The following PIGU variants were observed in gnomAD, a reference collection of about 807,000 sequenced individuals.
PIGU encodes the protein phosphatidylinositol glycan anchor biosynthesis class U, also known as GPI-anchor transamidase component PIGU.
PIGU carries 24 observed loss-of-function variants against 49.9 expected under a neutral mutation model. The ratio of observed to expected loss-of-function variants is 0.48; its 90% CI spans 0.35 to 0.68. The LOEUF (loss-of-function observed/expected upper bound fraction) is 0.68. Ranked by LOEUF, PIGU falls within the 30% of genes least tolerant of loss-of-function variation. The pLI, the probability that PIGU is intolerant of heterozygous loss-of-function variation, is 0.01. For missense variants in PIGU, 490 were observed against 532.6 expected, an observed-to-expected ratio of 0.92 and a Z score of 0.79; for synonymous variants, 220 against 205.7, an observed-to-expected ratio of 1.07 and a Z score of -0.59.
intron 1 of PIGU, among the ~76,000 whole-genome samples, chr20:34,673,301 A>AGT (rs1987374167): frequency 6.6e-6 from 1 of 151,742 alleles, no homozygotes; most frequent in Non-Finnish European, 1.5e-5. Flanking sequence ...AACCAGAAGG[A>AGT]GTCCTACTTT....
intron 11 of PIGU, among the ~76,000 whole-genome samples, chr20:34,574,017 A>G (rs1352441098): frequency 6.6e-6 from 1 of 152,260 alleles, no homozygotes; most frequent in African/African-American, 2.4e-5. Flanking sequence ...GGGATTATTC[A>G]CTGGCATCAT....
chr20:34,676,371 C>T (rs2146804730), intron 1 of PIGU, among the ~76,000 whole-genome samples: 1 of 152,320 alleles, frequency 6.6e-6, no homozygotes, highest in South Asian at 2.1e-4. Context: ...GCAGCTACTT[C>T]AGGCCAACTT....
chr20:34,622,474 G>A (rs1384223413), intron 6 of PIGU, among the ~76,000 whole-genome samples: 4 of 151,846 alleles, frequency 2.6e-5, no homozygotes, highest in Admixed American at 1.3e-4. Flanking sequence ...CCGAGATCAC[G>A]CCACTGCACT....
At chr20:34,654,790 AG>A (rs1986655877) in intron 2 of PIGU, among the ~76,000 whole-genome samples, 1 of 118,644 alleles carries the variant, frequency 8.4e-6, no homozygotes, top group African/African-American at 3.1e-5. Flanking sequence ...GCGGATCACA[AG>A]GTCAGGAGTT....
intron 11 of PIGU, among the ~76,000 whole-genome samples, chr20:34,564,054 A>G (rs914596434): frequency 6.6e-6 from 1 of 152,238 alleles, no homozygotes; most frequent in African/African-American, 2.4e-5. Flanking sequence ...TGTCAAGGTC[A>G]TGAGAAGTCA....
intron 11 of PIGU, among the ~76,000 whole-genome samples, chr20:34,565,708 G>GACACAC (rs138862528): frequency 0.016 from 2,379 of 147,068 alleles, 48 homozygotes; most frequent in African/African-American, 0.047. Context: ...CACCTCTCTG[G>GACACAC]ACACACACAC....
chr20:34,596,187 A>G (rs1455621186), intron 7 of PIGU, among the ~76,000 whole-genome samples: 2 of 152,206 alleles, frequency 1.3e-5, no homozygotes, highest in Non-Finnish European at 2.9e-5. Flanking sequence ...TTTTTGCCAA[A>G]AACATGTAAA....
chr20:34,630,508 G>A (rs1358983274), intron 6 of PIGU, among the ~76,000 whole-genome samples: 1 of 152,118 alleles, frequency 6.6e-6, no homozygotes, highest in African/African-American at 2.4e-5. Flanking sequence ...ACCTGCAGAT[G>A]ATGACATTTG....
chr20:34,675,272 G>C (rs6141500), intron 1 of PIGU, among the ~76,000 whole-genome samples: 2 of 96,222 alleles, frequency 2.1e-5, no homozygotes, highest in African/African-American at 8.3e-5. Flanking sequence ...AAAAAAAAGA[G>C]AGAGAGAGAA....
chr20:34,639,644 T>TA (rs1287911207), intron 4 of PIGU, among the ~76,000 whole-genome samples: 15 of 151,580 alleles, frequency 9.9e-5, no homozygotes, highest in African/African-American at 2.2e-4. Context: ...CTTTCAAAAT[T>TA]AAAAAAAAAT....
At chr20:34,670,383 T>C (rs778984970) in intron 1 of PIGU, among the ~76,000 whole-genome samples, 11 of 151,364 alleles carry the variant, frequency 7.3e-5, no homozygotes, top group Non-Finnish European at 1.5e-4. Context: ...AGAGACAAGG[T>C]TTCACCATGT....
intron 4 of PIGU, among the ~76,000 whole-genome samples, chr20:34,639,297 A>G (rs1326536631): frequency 1.3e-5 from 2 of 152,152 alleles, no homozygotes; most frequent in Non-Finnish European, 2.9e-5. Flanking sequence ...GCTACTCGGG[A>G]GGCTGAGGCA....
At chr20:34,626,379 T>C in intron 6 of PIGU, among the ~76,000 whole-genome samples, 3 of 151,260 alleles carry the variant, frequency 2.0e-5, no homozygotes, top group Non-Finnish European at 4.4e-5. Flanking sequence ...CTCGGCTCAC[T>C]GCAACCTCCA....
intron 7 of PIGU, among the ~76,000 whole-genome samples, chr20:34,597,429 T>C (rs1434524590): frequency 1.3e-5 from 2 of 152,236 alleles, no homozygotes; most frequent in African/African-American, 2.4e-5. Context: ...AACTAATCTA[T>C]GGTTAAAACA....
chr20:34,629,426 G>C lies in PIGU; in HGVS notation c.529+5189C>G, dbSNP rs377246679. Among the ~76,000 whole-genome samples the C allele has an allele frequency of 6.6e-5, 10 of 152,298 alleles. No individual in the cohort carries two copies. In the East Asian group the frequency reaches 1.5e-3, roughly 24 times the overall value. On this transcript the variant is annotated intron_variant, in intron 6 of 11. Transcript: ENST00000217446. ...TGCTCACTATTGTGCTTCTGCCATT[G>C]CTATGAAAAGAAAATACCTAAGTCT...
At chr20:34,665,952 G>A (rs1403950435) in intron 1 of PIGU, among the ~76,000 whole-genome samples, 7 of 152,102 alleles carry the variant, frequency 4.6e-5, no homozygotes, top group South Asian at 4.1e-4. Flanking sequence ...TTGGGAGGCC[G>A]AAGTGGGTGG....
At chr20:34,646,876 G>A (rs1986365118) in intron 2 of PIGU, among the ~76,000 whole-genome samples, 1 of 151,276 alleles carries the variant, frequency 6.6e-6, no homozygotes, top group African/African-American at 2.4e-5. Flanking sequence ...GGGCTGGTGT[G>A]CAGTGGCTGG....
In PIGU at chr20:34,644,777, G is replaced by A. The variant is rs374254351; in HGVS notation, c.255+498C>T. ...CCATAATGACTCACAGAATCTCTTGGCAAAATGCTTAGGACAAATTCAGAA... is the reference window on the plus strand; with the variant it reads ...CCATAATGACTCACAGAATCTCTTGACAAAATGCTTAGGACAAATTCAGAA... On this transcript the variant is annotated intron_variant, in intron 3 of 11. Coordinates refer to ENST00000217446, the MANE Select transcript of PIGU (RefSeq NM_080476.5). Among the ~76,000 whole-genome samples the A allele has an allele frequency of 2.0e-5, 3 of 152,082 alleles. No individual in the cohort carries two copies. The East Asian group carries it at 5.8e-4, about 29-fold the overall frequency.
chr20:34,645,434 C>A, intron 2 of PIGU, 100 bp from the exon 3 acceptor site: 1 of 1,351,352 alleles, frequency 7.4e-7, no homozygotes, highest in South Asian at 1.9e-5. Context: ...TGTCAGCAAA[C>A]TATTATGCTA....
Sources: allele counts gnomAD v4.1 joint callset (sites outside exome capture counted in the v4.1 genomes callset), GRCh38; gene constraint gnomAD v4.1.1; transcripts MANE v1.5; gene names NCBI Gene and HGNC (gene_info 2026-07-23, HGNC 2026-07-21).